LRRC3B: variants seen among roughly 807,000 people sequenced by gnomAD.
LRRC3B encodes the protein leucine rich repeat containing 3B.
LRRC3B carries 2 observed loss-of-function variants against 12.8 expected under a neutral mutation model. The observed-to-expected ratio is 0.16, with a 90% confidence interval of 0.06 to 0.49. The LOEUF is 0.49. LRRC3B is among the 20% of genes least tolerant of loss of function. The pLI is 0.96. For synonymous variants in LRRC3B, 132 were observed against 122.0 expected (o/e 1.08, Z -0.54); for missense variants, 189 against 319.4 (o/e 0.59, Z 3.11).
chr3:26,647,439 T>C (rs1013765791), intron 1 of LRRC3B, among the ~76,000 whole-genome samples: 1 of 152,198 alleles, frequency 6.6e-6, no homozygotes, highest in African/African-American at 2.4e-5. Context: ...TGGAAGTTAC[T>C]TGGAACTCTA....
intron 1 of LRRC3B, among the ~76,000 whole-genome samples, chr3:26,657,240 G>C (rs1031765350): frequency 2.0e-5 from 3 of 152,178 alleles, no homozygotes; most frequent in Non-Finnish European, 4.4e-5. Flanking sequence ...TCAAAGAACT[G>C]AAATAGATGC....
intron 1 of LRRC3B, among the ~76,000 whole-genome samples, chr3:26,705,474 G>A (rs945252845): frequency 2.0e-5 from 3 of 151,886 alleles, no homozygotes; most frequent in East Asian, 1.9e-4. Context: ...AACTTGGTCC[G>A]TCCCTTTAAT....
rs573684328 is a variant in LRRC3B, at chr3:26,656,897, C to T, written c.-161+33660C>T. ...TTAAGACTTAGCATGGGACAATAGA[C>T]AAAGACCTAGATTTTGGAATAGAAT... On this transcript the variant is annotated intron_variant, in intron 1 of 1. Transcript: ENST00000396641. 7.9e-5 allele frequency among the ~76,000 whole-genome samples: 12 copies of T among 152,232 alleles called. No individual in the cohort carries two copies. The South Asian group carries it at 2.5e-3, about 32-fold the overall frequency.
chr3:26,683,507 G>T (rs1420871293), intron 1 of LRRC3B, among the ~76,000 whole-genome samples: 1 of 152,196 alleles, frequency 6.6e-6, no homozygotes, highest in Non-Finnish European at 1.5e-5. Flanking sequence ...TCCCCAGGAG[G>T]CAGAGGTTTA....
intron 1 of LRRC3B, among the ~76,000 whole-genome samples, chr3:26,669,287 G>A (rs1048062816): frequency 6.6e-6 from 1 of 152,104 alleles, no homozygotes; most frequent in East Asian, 1.9e-4. Flanking sequence ...CCATTTCTGA[G>A]CTCATGCCAG....
At chr3:26,685,228 C>A (rs1023156826) in intron 1 of LRRC3B, among the ~76,000 whole-genome samples, 1 of 152,094 alleles carries the variant, frequency 6.6e-6, no homozygotes, top group African/African-American at 2.4e-5. Context: ...GCTGGGATTG[C>A]AGGCATGAGG....
intron 1 of LRRC3B, among the ~76,000 whole-genome samples, chr3:26,623,539 C>T (rs1033394085): frequency 6.6e-6 from 1 of 152,196 alleles, no homozygotes; most frequent in Non-Finnish European, 1.5e-5. Flanking sequence ...TTAGTTCTTG[C>T]CCTTCCCCCA....
chr3:26,647,026 T>C (rs1699166438), intron 1 of LRRC3B, among the ~76,000 whole-genome samples: 1 of 152,118 alleles, frequency 6.6e-6, no homozygotes, highest in African/African-American at 2.4e-5. Context: ...TTCCATCCGC[T>C]CCCTCAGCTA....
intron 1 of LRRC3B, among the ~76,000 whole-genome samples, chr3:26,666,632 A>G (rs1303524504): frequency 6.6e-6 from 1 of 152,154 alleles, no homozygotes; most frequent in East Asian, 1.9e-4. Context: ...AACCCCACCA[A>G]GTTTCCCCTG....
At chr3:26,632,144 GA>G (rs1254881650) in intron 1 of LRRC3B, among the ~76,000 whole-genome samples, 2 of 152,210 alleles carry the variant, frequency 1.3e-5, no homozygotes, top group African/African-American at 4.8e-5. Flanking sequence ...CTGGTAAAGG[GA>G]CAAGGTACAA....
intron 1 of LRRC3B, among the ~76,000 whole-genome samples, chr3:26,692,315 C>A (rs545002302): frequency 2.0e-5 from 3 of 152,136 alleles, no homozygotes; most frequent in Non-Finnish European, 4.4e-5. Flanking sequence ...TGGTCTTAAC[C>A]CCTGGACTAT....
At chr3:26,661,904 G>C (rs1475758585) in intron 1 of LRRC3B, among the ~76,000 whole-genome samples, 1 of 152,096 alleles carries the variant, frequency 6.6e-6, no homozygotes, top group African/African-American at 2.4e-5. Context: ...AAAGACTGGT[G>C]GTCAGGAATT....
At chr3:26,654,887 G>A (rs551118001) in intron 1 of LRRC3B, among the ~76,000 whole-genome samples, 152 of 152,134 alleles carry the variant, frequency 1.0e-3, no homozygotes, top group African/African-American at 3.4e-3. Flanking sequence ...CATATTAGTG[G>A]GCTGTTGTTG....
At chr3:26,686,832 A>G (rs1700098041) in intron 1 of LRRC3B, among the ~76,000 whole-genome samples, 1 of 142,930 alleles carries the variant, frequency 7.0e-6, no homozygotes, top group African/African-American at 2.6e-5. Flanking sequence ...GCCTCAGCCA[A>G]CCTCTCAGCC....
At chr3:26,660,316 T>C (rs1327757079) in intron 1 of LRRC3B, among the ~76,000 whole-genome samples, 1 of 152,214 alleles carries the variant, frequency 6.6e-6, no homozygotes, top group Non-Finnish European at 1.5e-5. Flanking sequence ...CTTTATTCTA[T>C]TTCATTTCAT....
chr3:26,657,709 G>A (rs1699403642), intron 1 of LRRC3B, among the ~76,000 whole-genome samples: 2 of 151,870 alleles, frequency 1.3e-5, no homozygotes, highest in South Asian at 4.1e-4. Flanking sequence ...TTCCAGCCAA[G>A]GCGCTCATTA....
chr3:26,700,098 C>T (rs575446322), intron 1 of LRRC3B, among the ~76,000 whole-genome samples: 38 of 152,148 alleles, frequency 2.5e-4, no homozygotes, highest in South Asian at 2.1e-4. Context: ...TGAGGGTTTG[C>T]TTGAGGATTT....
At chr3:26,626,681 T>C (rs971138238) in intron 1 of LRRC3B, among the ~76,000 whole-genome samples, 1 of 152,158 alleles carries the variant, frequency 6.6e-6, no homozygotes, top group Non-Finnish European at 1.5e-5. Context: ...TGCTTCTCAA[T>C]CAGCATAACC....
chr3:26,636,198 C>A (rs1032859023), intron 1 of LRRC3B, among the ~76,000 whole-genome samples: 1 of 152,048 alleles, frequency 6.6e-6, no homozygotes, highest in Admixed American at 6.5e-5. Context: ...CCTGCCAAAA[C>A]CTAATTAACT....
Sources: allele counts gnomAD v4.1 joint callset (sites outside exome capture counted in the v4.1 genomes callset), GRCh38; gene constraint gnomAD v4.1.1; transcripts MANE v1.5; gene names NCBI Gene and HGNC (gene_info 2026-07-23, HGNC 2026-07-21).